C12orf42: variants seen among roughly 807,000 people sequenced by gnomAD.
C12orf42 encodes the protein chromosome 12 open reading frame 42.
In C12orf42, 25 loss-of-function variants were observed where a neutral mutation model predicts 21.6. The ratio of observed to expected loss-of-function variants is 1.16; its 90% CI spans 0.84 to 1.62. The LOEUF (loss-of-function observed/expected upper bound fraction) is 1.62. C12orf42 is among the 40% of genes most tolerant of loss of function. The probability of loss-of-function intolerance (pLI) is 0.00; values close to 1 mark genes in which losing one functional copy is unlikely to be tolerated. For missense variants in C12orf42, 483 were observed against 459.3 expected (o/e 1.05, Z -0.47); for synonymous variants, 174 against 175.0 (o/e 0.99, Z 0.05).
chr12:103,352,684 T>A (rs2043197948), intron 4 of C12orf42, among the ~76,000 whole-genome samples: 1 of 152,130 alleles, frequency 6.6e-6, no homozygotes, highest in Admixed American at 6.6e-5. Context: ...ACAAACAGGC[T>A]TCAGGCATGG....
intron 3 of C12orf42, among the ~76,000 whole-genome samples, chr12:103,372,073 G>A (rs2045295502): frequency 6.6e-6 from 1 of 151,962 alleles, no homozygotes; most frequent in African/African-American, 2.4e-5. Flanking sequence ...AGATCACCCT[G>A]GCCTCCACTT....
At chr12:103,067,201 A>G in the C12orf42 span, among the ~76,000 whole-genome samples, 63 of 152,340 alleles carry the variant, frequency 4.1e-4, no homozygotes, top group Admixed American at 2.8e-3. Flanking sequence ...CACTTACTCC[A>G]GATATGGGTT....
intron 2 of C12orf42, among the ~76,000 whole-genome samples, chr12:103,423,207 A>G (rs1454912456): frequency 6.6e-6 from 1 of 152,206 alleles, no homozygotes; most frequent in Non-Finnish European, 1.5e-5. Flanking sequence ...CCAGGACCTC[A>G]GCTGAGTATC....
the C12orf42 span, among the ~76,000 whole-genome samples, chr12:103,175,931 C>T: frequency 1.3e-5 from 2 of 152,160 alleles, no homozygotes; most frequent in Non-Finnish European, 2.9e-5. Context: ...AAGCTTTGAC[C>T]TCCTTAGATC....
intron 4 of C12orf42, among the ~76,000 whole-genome samples, chr12:103,317,283 C>T (rs929115187): frequency 1.3e-5 from 2 of 152,168 alleles, no homozygotes; most frequent in Non-Finnish European, 2.9e-5. Context: ...CCCAATATCA[C>T]TCAACCACCC....
chr12:103,379,049 A>C (rs1250807073), intron 3 of C12orf42, among the ~76,000 whole-genome samples: 3 of 152,142 alleles, frequency 2.0e-5, no homozygotes, highest in Admixed American at 6.5e-5. Flanking sequence ...ACCCACAGAG[A>C]AGAAGGAGAT....
rs1279970731 is a variant in C12orf42, at chr12:103,306,029, G to A, written c.576C>T (p.Ile192=). 2.5e-6 allele frequency: 4 copies of A among 1,613,974 alleles called. No homozygotes were observed. Among genetic ancestry groups the A allele is most frequent in the Admixed American group, 3.3e-5 (2 of 60,020 alleles). The change falls in exon 5 of 6, where the codon ATC becomes ATT. Residue 192 remains isoleucine, a synonymous_variant. Coordinates refer to ENST00000548883, the MANE Select transcript of C12orf42 (RefSeq NM_198521.5). ...PVHLEAQGIH[I]SRHTRPKGQP... Reference sequence around the variant, plus strand: ...GGCCCTTAGGTCTTGTGTGTCTACTGATGTGTATGCCCTGAGCCTCCAGGT... The same window carrying A: ...GGCCCTTAGGTCTTGTGTGTCTACTAATGTGTATGCCCTGAGCCTCCAGGT...
intron 2 of C12orf42, among the ~76,000 whole-genome samples, chr12:103,430,919 C>T (rs764832969): frequency 2.0e-5 from 3 of 152,034 alleles, no homozygotes; most frequent in Non-Finnish European, 4.4e-5. Flanking sequence ...AAAATGAGAA[C>T]ACATGGACAC....
chr12:103,087,325 T>A, the C12orf42 span, among the ~76,000 whole-genome samples: 1 of 152,170 alleles, frequency 6.6e-6, no homozygotes, highest in Admixed American at 6.5e-5. Context: ...GCAGAGATGC[T>A]ATAATTTGCT....
the C12orf42 span, among the ~76,000 whole-genome samples, chr12:103,066,023 T>A: frequency 6.6e-6 from 1 of 152,182 alleles, no homozygotes; most frequent in African/African-American, 2.4e-5. Flanking sequence ...CAGATAGGGA[T>A]GCTGTTTGGA....
At chr12:103,117,559 T>A in the C12orf42 span, among the ~76,000 whole-genome samples, 1 of 152,248 alleles carries the variant, frequency 6.6e-6, no homozygotes, top group South Asian at 2.1e-4. Flanking sequence ...ATCTTTTGCT[T>A]ACATTTCCTT....
At chr12:103,097,104 T>C in the C12orf42 span, among the ~76,000 whole-genome samples, 1 of 152,228 alleles carries the variant, frequency 6.6e-6, no homozygotes, top group South Asian at 2.1e-4. Context: ...TTTATGACCA[T>C]TTAATCTACA....
chr12:103,070,736 T>C, the C12orf42 span, among the ~76,000 whole-genome samples: 1 of 152,120 alleles, frequency 6.6e-6, no homozygotes, highest in Admixed American at 6.6e-5. Context: ...GATTGAGTGG[T>C]CAAGGAAGGT....
At position 103,478,563 on chromosome 12, in the gene C12orf42, C is replaced by T; in HGVS notation, c.-21-116G>A. ...CATCCTATCCATGAACATAGTATTT[C>T]TTGCCAGTGACTTTCAATAATTTTT... is the stretch of plus-strand genomic sequence containing the variant. On this transcript the variant is annotated intron_variant, in intron 1 of 5. Coordinates refer to ENST00000548883, the MANE Select transcript of C12orf42 (RefSeq NM_198521.5). 3.0e-5 allele frequency: 13 copies of T among 437,658 alleles called. No homozygotes were observed. In the South Asian group the frequency reaches 3.2e-4, roughly 11 times the overall value. The allele number at this position is 437,658 out of a possible 1,614,324, so 27.1% of individuals were successfully genotyped here. A position where few individuals can be genotyped will look rare whatever the true frequency, so the allele number is the denominator to read the frequency against.
downstream of C12orf42, among the ~76,000 whole-genome samples, chr12:103,235,797 A>G (rs1309063954): frequency 6.6e-6 from 1 of 152,182 alleles, no homozygotes. Context: ...AGATCCAACT[A>G]TAACTACCTC....
the C12orf42 span, among the ~76,000 whole-genome samples, chr12:103,196,063 C>T: frequency 1.3e-5 from 2 of 152,194 alleles, no homozygotes; most frequent in Non-Finnish European, 2.9e-5. Context: ...TTGATATGGG[C>T]ATTTAGTGCT....
intron 2 of C12orf42, among the ~76,000 whole-genome samples, chr12:103,441,895 C>T (rs558263343): frequency 6.6e-6 from 1 of 152,254 alleles, no homozygotes; most frequent in East Asian, 1.9e-4. Flanking sequence ...GTAATCCCAA[C>T]ATTTTGGGAA....
At chr12:103,337,208 C>T (rs561076359) in intron 4 of C12orf42, among the ~76,000 whole-genome samples, 1 of 152,296 alleles carries the variant, frequency 6.6e-6, no homozygotes, top group South Asian at 2.1e-4. Flanking sequence ...CATAGTCTGT[C>T]TCATGTGCTA....
rs1312241506 is a variant in C12orf42, at chr12:103,435,828, A to C, written c.79-34153T>G. On this transcript the variant is annotated intron_variant, in intron 2 of 5. Transcript: ENST00000548883. ...TGGAACCAAGTTGGAAAACACTCTG[A>C]AGGATATTATCCAGGAGAACTTCCC... Among the ~76,000 whole-genome samples, 190 of 152,154 alleles carry C rather than the reference A, an allele frequency of 1.2e-3. 1 individual carries two copies. The highest frequency in any genetic ancestry group is 2.5e-3 in the South Asian group (12 of 4,812).
Sources: allele counts gnomAD v4.1 joint callset (sites outside exome capture counted in the v4.1 genomes callset), GRCh38; gene constraint gnomAD v4.1.1; transcripts MANE v1.5; gene names NCBI Gene and HGNC (gene_info 2026-07-23, HGNC 2026-07-21).